The following WDR70 variants were observed in gnomAD, a reference collection of about 807,000 sequenced individuals.
The protein encoded by WDR70 is WD repeat domain 70.
WDR70 carries 53 observed loss-of-function variants against 88.6 expected under a neutral mutation model. The observed-to-expected ratio is 0.60, with a 90% CI of 0.48 to 0.75. WDR70 has a LOEUF of 0.75. WDR70 is among the 30% of genes least tolerant of loss of function. WDR70 has a pLI of 0.00. For missense variants in WDR70, 610 were observed against 823.2 expected (o/e 0.74, Z 3.17); for synonymous variants, 280 against 270.0 (o/e 1.04, Z -0.36).
chr5:37,497,261 C>T (rs1461930312), intron 8 of WDR70, among the ~76,000 whole-genome samples: 2 of 148,478 alleles, frequency 1.3e-5, no homozygotes, highest in Non-Finnish European at 3.0e-5. Flanking sequence ...CCCTTCCTCC[C>T]TTCCTCCCTC....
chr5:37,395,728 G>T (rs762358139), intron 4 of WDR70, among the ~76,000 whole-genome samples: 140 of 151,964 alleles, frequency 9.2e-4, no homozygotes, highest in Non-Finnish European at 1.5e-3. Flanking sequence ...AGTGGTTTTT[G>T]TCCGTTACTA....
intron 9 of WDR70, among the ~76,000 whole-genome samples, chr5:37,541,741 C>G (rs1741822769): frequency 6.6e-6 from 1 of 152,078 alleles, no homozygotes; most frequent in South Asian, 2.1e-4. Context: ...GATCCATTTG[C>G]AAGCATTTGT....
Position 37,699,375 on chromosome 5 carries a change from A to G in WDR70, c.1192+1621A>G, listed in dbSNP as rs533320776. ...ACACACACACAGTGTGTGTGTGTGT[A>G]TATATATGTATGTGTGTATATATAT... is the stretch of plus-strand genomic sequence containing the variant. On this transcript the variant is annotated intron_variant, in intron 11 of 17. Transcript: ENST00000265107. Among the ~76,000 whole-genome samples the G allele has an allele frequency of 1.2e-3, 134 of 111,462 alleles. 3 individuals are homozygous for G. The South Asian group carries it at 0.038, about 31-fold the overall frequency. The allele number at this position is 111,462 out of a possible 152,430, so 73.1% of individuals were successfully genotyped here. A position where few individuals can be genotyped will look rare whatever the true frequency, so the allele number is the denominator to read the frequency against.
chr5:37,594,570 G>A (rs1219446028), intron 9 of WDR70, among the ~76,000 whole-genome samples: 4 of 152,186 alleles, frequency 2.6e-5, no homozygotes, highest in Admixed American at 6.5e-5. Context: ...TTTGAAGTCA[G>A]GTAGTGTGAT....
At chr5:37,599,899 GAAAAA>G in intron 9 of WDR70, among the ~76,000 whole-genome samples, 1 of 137,688 alleles carries the variant, frequency 7.3e-6, no homozygotes, top group Non-Finnish European at 1.6e-5. Flanking sequence ...TCTCAAAAAA[GAAAAA>G]AAAAAAAGGT....
intron 10 of WDR70, among the ~76,000 whole-genome samples, chr5:37,693,960 C>T (rs532926363): frequency 5.1e-4 from 78 of 152,250 alleles, no homozygotes; most frequent in African/African-American, 1.8e-3. Context: ...ACCTATCTGA[C>T]GAAGGGCTGA....
intron 7 of WDR70, among the ~76,000 whole-genome samples, chr5:37,456,735 A>C (rs1156973411): frequency 6.6e-6 from 1 of 152,212 alleles, no homozygotes; most frequent in East Asian, 1.9e-4. Flanking sequence ...TTTACACTTC[A>C]GAAAACAAAG....
intron 5 of WDR70, among the ~76,000 whole-genome samples, chr5:37,402,943 C>CCTTTT (rs1561838923): frequency 4.8e-5 from 2 of 41,712 alleles, no homozygotes; most frequent in African/African-American, 1.7e-4. Flanking sequence ...TCCCTCCCTC[C>CCTTTT]GTTTTTTTTT....
At chr5:37,455,617 C>T (rs547669041) in intron 7 of WDR70, among the ~76,000 whole-genome samples, 6 of 140,710 alleles carry the variant, frequency 4.3e-5, no homozygotes, top group African/African-American at 7.6e-5. Context: ...CTTTTTCTCT[C>T]GGGTCCAGTT....
At chr5:37,456,287 C>T (rs1052040363) in intron 7 of WDR70, among the ~76,000 whole-genome samples, 4 of 152,066 alleles carry the variant, frequency 2.6e-5, no homozygotes, top group African/African-American at 7.2e-5. Flanking sequence ...AAATTTTAGC[C>T]ATTCAGTTGG....
At chr5:37,545,646 T>C (rs1318336488) in intron 9 of WDR70, among the ~76,000 whole-genome samples, 1 of 151,984 alleles carries the variant, frequency 6.6e-6, no homozygotes, top group Non-Finnish European at 1.5e-5. Flanking sequence ...AATTTTCTCC[T>C]GAGTAGCTGG....
At chr5:37,480,801 T>C (rs1417534930) in intron 8 of WDR70, among the ~76,000 whole-genome samples, 1 of 152,162 alleles carries the variant, frequency 6.6e-6, no homozygotes, top group Admixed American at 6.5e-5. Context: ...AAACTCTTAT[T>C]TCAGCATTAA....
rs1315185591 is a variant in WDR70 at position 37,722,846 on chromosome 5, A to C, written c.1518-9A>C. ...AGTAAAGAAAATAATTTGCTTTTAC[A>C]CCCGTTAGGGGAGCAAAATTATGTG... On this transcript the variant is annotated splice_polypyrimidine_tract_variant and intron_variant, in intron 14 of 17. Transcript: ENST00000265107. 1.2e-6 allele frequency: 2 copies of C among 1,613,056 alleles called. No homozygotes were observed. Among genetic ancestry groups the C allele is most frequent in the Admixed American group, 3.3e-5 (2 of 59,896 alleles).
At chr5:37,564,608 C>CGGTGGGGAGAGG (rs1742682344) in intron 9 of WDR70, among the ~76,000 whole-genome samples, 2 of 86,408 alleles carry the variant, frequency 2.3e-5, no homozygotes, top group Non-Finnish European at 6.5e-5. Context: ...AGAGGGAGAG[C>CGGTGGGGAGAGG]GAGGCTTAAT....
intron 10 of WDR70, among the ~76,000 whole-genome samples, chr5:37,691,814 AGCTT>A (rs1746804607): frequency 6.6e-6 from 1 of 152,216 alleles, no homozygotes; most frequent in Non-Finnish European, 1.5e-5. Flanking sequence ...GAAAAGCAAA[AGCTT>A]TTCAAAAGCT....
chr5:37,444,584 C>T (rs1738400916), intron 7 of WDR70, among the ~76,000 whole-genome samples: 2 of 152,090 alleles, frequency 1.3e-5, no homozygotes, highest in South Asian at 4.1e-4. Flanking sequence ...CTCAAGTAAT[C>T]CACCTGCCTC....
In WDR70 at chr5:37,587,957, A is replaced by G. The variant is rs1159261947; in HGVS notation, c.918-17107A>G. On this transcript the variant is annotated intron_variant, in intron 9 of 17. Transcript: ENST00000265107. ...ACCACGCCAGCTAATTGTCTCTACT[A>G]AAAGTAGAGACAGGGTTTCACCATG... Among the ~76,000 whole-genome samples the G allele has an allele frequency of 4.6e-5, 7 of 152,008 alleles. No homozygotes were observed. The South Asian group carries it at 1.5e-3, about 32-fold the overall frequency.
intron 5 of WDR70, among the ~76,000 whole-genome samples, chr5:37,401,617 C>T (rs1581251164): frequency 6.6e-6 from 1 of 151,996 alleles, no homozygotes; most frequent in East Asian, 1.9e-4. Context: ...TTACCCAGGC[C>T]AAATTTTTTA....
intron 14 of WDR70, chr5:37,722,296 C>T (rs1441012317): frequency 1.3e-5 from 2 of 152,212 alleles, no homozygotes; most frequent in Admixed American, 1.3e-4. Context: ...GTATTTGCTT[C>T]TCTTGAAAAG....
Sources: gnomAD v4.1 joint callset for allele counts (sites outside exome capture counted in the v4.1 genomes callset) on GRCh38, gnomAD v4.1.1 for gene constraint, MANE v1.5 for transcripts, NCBI Gene and HGNC (gene_info 2026-07-23, HGNC 2026-07-21) for gene names.